STT3B: variants seen among roughly 807,000 people sequenced by gnomAD.
STT3B encodes dolichyl-diphosphooligosaccharide--protein glycosyltransferase subunit STT3B.
A neutral mutation model predicts 96.8 loss-of-function variants in STT3B; 29 were observed. The observed-to-expected ratio is 0.30, with a 90% CI of 0.22 to 0.41. The LOEUF (loss-of-function observed/expected upper bound fraction) is 0.41, where lower values mean the gene tolerates loss of function less well. Ranked by LOEUF, STT3B falls within the 10% of genes least tolerant of loss-of-function variation. The probability of loss-of-function intolerance (pLI) is 1.00; values close to 1 mark genes in which losing one functional copy is unlikely to be tolerated. For synonymous variants in STT3B, 367 were observed against 360.0 expected (o/e 1.02, Z -0.22); for missense variants, 640 against 1,022.3 (o/e 0.63, Z 5.10).
At chr3:31,589,373 A>G (rs755391443) in intron 3 of STT3B, among the ~76,000 whole-genome samples, 3 of 151,978 alleles carry the variant, frequency 2.0e-5, no homozygotes, top group Non-Finnish European at 2.9e-5. Flanking sequence ...TACGTAGACA[A>G]TCATGTCATG....
intron 14 of STT3B, 118 bp downstream of exon 14, chr3:31,629,529 T>C: frequency 1.9e-6 from 1 of 519,374 alleles, no homozygotes; most frequent in Non-Finnish European, 3.4e-6. Context: ...AATGTGCTTA[T>C]CTAAATAGTC....
At chr3:31,551,307 C>A (rs956816419) in intron 1 of STT3B, among the ~76,000 whole-genome samples, 1 of 152,036 alleles carries the variant, frequency 6.6e-6, no homozygotes, top group African/African-American at 2.4e-5. Context: ...CCTCCGCCTC[C>A]CAGGCTCAAA....
intron 2 of STT3B, among the ~76,000 whole-genome samples, chr3:31,579,477 T>TTA (rs1193527668): frequency 1.0e-4 from 7 of 67,446 alleles, no homozygotes; most frequent in African/African-American, 3.4e-4. Context: ...CCTGTTTTGA[T>TTA]AAAAAAAAAA....
chr3:31,635,937 A>T, intron 15 of STT3B, 47 bp from the exon 16 acceptor site: 1 of 1,412,320 alleles, frequency 7.1e-7, no homozygotes, highest in Non-Finnish European at 9.8e-7. Flanking sequence ...AGATTTTTTA[A>T]TCAGTAAGAA....
intron 1 of STT3B, among the ~76,000 whole-genome samples, chr3:31,568,236 C>G (rs980639377): frequency 2.6e-5 from 4 of 152,062 alleles, no homozygotes; most frequent in African/African-American, 9.7e-5. Context: ...AATACAAGTA[C>G]CACATTTTCT....
rs114094681 is a variant in STT3B, at chr3:31,541,528, G to A, written c.314+8216G>A. Among the ~76,000 whole-genome samples the A allele has an allele frequency of 5.8e-3, 837 of 145,154 alleles. 9 individuals are homozygous for A. Among genetic ancestry groups the A allele is most frequent in the African/African-American group, 0.02 (792 of 38,824 alleles). ...TTAAGATTCATCCTTGTTGGTCAAAGGATTGTTGACAATATGTACGTAAGT... is the reference window on the plus strand; with the variant it reads ...TTAAGATTCATCCTTGTTGGTCAAAAGATTGTTGACAATATGTACGTAAGT... On this transcript the variant is annotated intron_variant, in intron 1 of 15. Transcript: ENST00000295770.
At chr3:31,600,879 C>A (rs967808626) in intron 5 of STT3B, among the ~76,000 whole-genome samples, 2 of 152,046 alleles carry the variant, frequency 1.3e-5, no homozygotes, top group African/African-American at 4.8e-5. Context: ...TCTGTTGTCT[C>A]TAGAAAAATG....
At chr3:31,619,384 C>T (rs932096722) in intron 8 of STT3B, among the ~76,000 whole-genome samples, 36 of 152,128 alleles carry the variant, frequency 2.4e-4, no homozygotes, top group African/African-American at 8.0e-4. Context: ...ACTTAAACTA[C>T]AGAACAAATT....
chr3:31,567,783 G>A (rs1325019062), intron 1 of STT3B, among the ~76,000 whole-genome samples: 1 of 152,086 alleles, frequency 6.6e-6, no homozygotes, highest in East Asian at 1.9e-4. Context: ...CATACAATGT[G>A]TAGAAGTCAA....
At chr3:31,612,107 G>A (rs1227238459) in intron 5 of STT3B, among the ~76,000 whole-genome samples, 1 of 152,158 alleles carries the variant, frequency 6.6e-6, no homozygotes, top group Non-Finnish European at 1.5e-5. Context: ...AATATTCACT[G>A]GAGCGTTTCC....
Position 31,622,204 on chromosome 3 carries a change from G to T in STT3B, c.1435G>T (p.Val479Phe). The T allele has an allele frequency of 6.2e-7, 1 of 1,614,112 alleles. No individual in the cohort carries two copies. Among genetic ancestry groups the T allele is most frequent in the Non-Finnish European group, 8.5e-7 (1 of 1,179,950 alleles). ...CMLSAIAFSN[V>F]FEHYLGDDMK... The stretch of plus-strand genomic sequence containing the variant: ...GCTGTCTGCAATTGCCTTTTCAAAT[G>T]TTTTTGAGCACTATTTGGGGGATGA... The change falls in exon 10 of 16, where the codon GTT (valine) becomes TTT (phenylalanine). Residue 479 changes from valine (V) to phenylalanine (F), a missense_variant. This residue lies in a region of STT3B where 149 missense variants were observed against 250.2 expected (regional missense o/e 0.60). Coordinates refer to ENST00000295770, the MANE Select transcript of STT3B (RefSeq NM_178862.3).
At chr3:31,628,778 C>T (rs1699589541) in intron 13 of STT3B, among the ~76,000 whole-genome samples, 1 of 152,084 alleles carries the variant, frequency 6.6e-6, no homozygotes, top group African/African-American at 2.4e-5. Context: ...AGAGAGCCAG[C>T]CTTACCTGGT....
intron 1 of STT3B, among the ~76,000 whole-genome samples, chr3:31,562,915 C>G (rs1697915356): frequency 6.6e-6 from 1 of 152,144 alleles, no homozygotes; most frequent in African/African-American, 2.4e-5. Context: ...AGTGCTTTCG[C>G]GTGGACTTCA....
intron 3 of STT3B, among the ~76,000 whole-genome samples, chr3:31,588,186 G>C (rs1364361869): frequency 6.6e-6 from 1 of 152,060 alleles, no homozygotes; most frequent in Non-Finnish European, 1.5e-5. Flanking sequence ...TGTAGGCCTA[G>C]AGCAATACTA....
intron 1 of STT3B, among the ~76,000 whole-genome samples, chr3:31,565,834 A>C (rs904504638): frequency 6.6e-6 from 1 of 152,192 alleles, no homozygotes; most frequent in Non-Finnish European, 1.5e-5. Context: ...GTACAGTCAG[A>C]CATATATTAG....
intron 1 of STT3B, among the ~76,000 whole-genome samples, chr3:31,561,047 A>G (rs1194238194): frequency 6.6e-6 from 1 of 151,744 alleles, no homozygotes; most frequent in Non-Finnish European, 1.5e-5. Context: ...GGTTTCATAT[A>G]TATTTTTTAT....
chr3:31,564,626 C>T (rs565203584), intron 1 of STT3B, among the ~76,000 whole-genome samples: 15 of 152,268 alleles, frequency 9.9e-5, no homozygotes, highest in Admixed American at 5.2e-4. Flanking sequence ...TCATTATTCT[C>T]TTAGGCTGGG....
rs1261246200 is a variant in STT3B at position 31,581,401 on chromosome 3, A to C, written c.711+1305A>C. On this transcript the variant is annotated intron_variant, in intron 3 of 15. Coordinates refer to ENST00000295770, the MANE Select transcript of STT3B (RefSeq NM_178862.3). ...TATTCTCTACACTTGTGTATGTTTC[A>C]AATACTTTATAATAAATTTAAAAAA... 2.6e-5 allele frequency among the ~76,000 whole-genome samples: 4 copies of C among 152,194 alleles called. No homozygotes were observed. The East Asian group carries it at 7.7e-4, about 29-fold the overall frequency.
rs1699475974 is a variant in STT3B at position 31,623,689 on chromosome 3, A to C, written c.1555A>C (p.Lys519Gln). The C allele has an allele frequency of 6.2e-7, 1 of 1,610,218 alleles. No individual in the cohort carries two copies. The highest frequency in any genetic ancestry group is 1.7e-5 in the Admixed American group (1 of 59,714). ...NLYDKAGKVR[K>Q]HATEQEKTEE... ...ATATCTTTAGGCAGGTAAAGTGAGG[A>C]AACATGCAACTGAACAGGAAAAAAC... The change falls in exon 11 of 16, where the codon AAA becomes CAA. Residue 519 changes from lysine to glutamine, a missense_variant. By Grantham distance (53) the Lys-to-Gln change is moderately conservative (BLOSUM62 1). Coordinates refer to ENST00000295770, the MANE Select transcript of STT3B (RefSeq NM_178862.3).
Sources: allele counts gnomAD v4.1 joint callset (sites outside exome capture counted in the v4.1 genomes callset), GRCh38; gene constraint gnomAD v4.1.1; regional missense constraint gnomAD v4.1.1; transcripts MANE v1.5; gene names NCBI Gene and HGNC (gene_info 2026-07-23, HGNC 2026-07-21).